The following TNS1 variants were observed in gnomAD, a reference collection of about 807,000 sequenced individuals.
The protein encoded by TNS1 is tensin 1.
A neutral mutation model predicts 168.6 loss-of-function variants in TNS1; 62 were observed. That is an observed-to-expected ratio of 0.37 (90% confidence interval 0.30 to 0.45). TNS1 has a LOEUF of 0.45. TNS1 is among the 20% of genes least tolerant of loss of function. The pLI is 1.00. For missense variants in TNS1, 2,240 were observed against 2,339.4 expected (o/e 0.96, Z 0.88); for synonymous variants, 934 against 933.2 (o/e 1.00, Z -0.02).
intron 3 of TNS1, among the ~76,000 whole-genome samples, chr2:217,936,022 C>T (rs540885308): frequency 3.9e-5 from 6 of 152,314 alleles, no homozygotes; most frequent in South Asian, 2.1e-4. Flanking sequence ...AACACACAGT[C>T]CCTGACCACC....
intron 18 of TNS1, chr2:217,850,298 G>C: frequency 1.0e-6 from 1 of 985,352 alleles, no homozygotes; most frequent in Non-Finnish European, 1.2e-6. Flanking sequence ...GAGGATGGGG[G>C]GCATATAGGG....
At chr2:217,972,712 G>T (rs958155789) in intron 3 of TNS1, among the ~76,000 whole-genome samples, 1 of 152,224 alleles carries the variant, frequency 6.6e-6, no homozygotes. Context: ...CTGAACTCTT[G>T]TCTGACCTGC....
intron 1 of TNS1, 29 bp downstream of exon 1, chr2:218,002,811 A>G (rs1157889179): frequency 4.4e-6 from 2 of 456,522 alleles, no homozygotes; most frequent in African/African-American, 4.0e-5. Flanking sequence ...GAGGAAGAGT[A>G]ACGTCGCAGC....
At chr2:217,810,390 G>A in intron 28 of TNS1, 71 bp from the exon 29 acceptor site, 2 of 1,462,360 alleles carry the variant, frequency 1.4e-6, no homozygotes, top group South Asian at 1.1e-5. Flanking sequence ...TGGGCTGAAG[G>A]TGAGCTCTGC....
chr2:217,800,694 G>A lies in TNS1; in HGVS notation c.*3765C>T, dbSNP rs1039001427. ...ACCTCTTGGAGGACCCCGAGTGTGG[G>A]GGCAGGATTGGGTGTCTGCCTTGAC... On this transcript the variant is annotated 3_prime_UTR_variant, in exon 33 of 33. Coordinates refer to ENST00000682258, the MANE Select transcript of TNS1 (RefSeq NM_001387777.1). 3 of 152,164 alleles carry A rather than the reference G, an allele frequency of 2.0e-5. No homozygotes were observed. Among genetic ancestry groups the A allele is most frequent in the Non-Finnish European group, 1.5e-5 (1 of 68,064 alleles). 9.4% of individuals were successfully genotyped at this position (152,164 alleles called of 1,614,324 possible).
chr2:217,846,472 G>A (rs1277654237), intron 19 of TNS1, among the ~76,000 whole-genome samples: 1 of 152,108 alleles, frequency 6.6e-6, no homozygotes, highest in South Asian at 2.1e-4. Context: ...GAAAAGGGGT[G>A]GAGGACAGAG....
chr2:217,867,372 T>C (rs1443328505), intron 18 of TNS1, among the ~76,000 whole-genome samples: 1 of 152,236 alleles, frequency 6.6e-6, no homozygotes, highest in African/African-American at 2.4e-5. Context: ...AAATGGTATA[T>C]GTGCAACGCC....
intron 3 of TNS1, among the ~76,000 whole-genome samples, chr2:217,939,211 G>A (rs1037131720): frequency 6.6e-6 from 1 of 152,202 alleles, no homozygotes; most frequent in Non-Finnish European, 1.5e-5. Flanking sequence ...CAGAGGTTCA[G>A]TCACTTGCTG....
At chr2:217,891,784 C>A (rs1421150747) in intron 11 of TNS1, among the ~76,000 whole-genome samples, 1 of 152,166 alleles carries the variant, frequency 6.6e-6, no homozygotes, top group Non-Finnish European at 1.5e-5. Context: ...AACACCTCAG[C>A]CCCTCGCATT....
intron 22 of TNS1, among the ~76,000 whole-genome samples, chr2:217,823,096 A>G (rs1943121134): frequency 6.6e-6 from 1 of 152,220 alleles, no homozygotes. Context: ...CAAGACTGCA[A>G]TGGTCAGAGT....
At chr2:218,015,958 A>C (rs913241583) in intron 1 of TNS1, among the ~76,000 whole-genome samples, 2 of 152,128 alleles carry the variant, frequency 1.3e-5, no homozygotes, top group African/African-American at 4.8e-5. Context: ...CCACAATGAG[A>C]TTAAAGCAGG....
At chr2:217,843,084 G>A (rs1372202135) in intron 19 of TNS1, among the ~76,000 whole-genome samples, 1 of 151,136 alleles carries the variant, frequency 6.6e-6, no homozygotes, top group Non-Finnish European at 1.5e-5. Flanking sequence ...ATGTTGAATC[G>A]AATGATTGAA....
intron 18 of TNS1, among the ~76,000 whole-genome samples, chr2:217,860,314 C>G (rs1574851572): frequency 6.6e-6 from 1 of 152,104 alleles, no homozygotes; most frequent in South Asian, 2.1e-4. Context: ...TGCCCTGTAC[C>G]CTGGCCACTG....
intron 3 of TNS1, among the ~76,000 whole-genome samples, chr2:217,941,174 G>A (rs1956891060): frequency 1.3e-5 from 2 of 152,218 alleles, no homozygotes; most frequent in African/African-American, 2.4e-5. Flanking sequence ...CTCCAGGCTG[G>A]CTAGGGAGGC....
chr2:217,966,787 C>T (rs1957653038), intron 3 of TNS1, among the ~76,000 whole-genome samples: 1 of 152,172 alleles, frequency 6.6e-6, no homozygotes, highest in South Asian at 2.1e-4. Flanking sequence ...GGAGTAGAGG[C>T]TGAGTGTGGA....
At chr2:217,924,137 T>C (rs1219321280) in intron 3 of TNS1, among the ~76,000 whole-genome samples, 1 of 152,154 alleles carries the variant, frequency 6.6e-6, no homozygotes, top group African/African-American at 2.4e-5. Flanking sequence ...CCTCAATCCC[T>C]CCAACACCTA....
intron 18 of TNS1, among the ~76,000 whole-genome samples, chr2:217,874,602 T>C (rs908741421): frequency 6.6e-6 from 1 of 152,214 alleles, no homozygotes; most frequent in African/African-American, 2.4e-5. Flanking sequence ...CAGCTATAGA[T>C]GGTTCCCAGA....
At chr2:217,853,182 A>G (rs1559241916) in intron 18 of TNS1, among the ~76,000 whole-genome samples, 3 of 152,204 alleles carry the variant, frequency 2.0e-5, no homozygotes, top group South Asian at 4.1e-4. Context: ...GTTTCAATCC[A>G]TCAAGGCAGG....
In TNS1 at chr2:217,848,758, G is replaced by C. The variant is rs1191243427; in HGVS notation, c.1759C>G (p.His587Asp). The C allele has an allele frequency of 1.2e-6, 2 of 1,614,204 alleles. No individual in the cohort carries two copies. Among genetic ancestry groups the C allele is most frequent in the Non-Finnish European group, 1.7e-6 (2 of 1,180,038 alleles). Residue 587 changes from histidine to aspartate, a missense_variant, in exon 19 of 33, where the codon CAC (histidine) becomes GAC (aspartate). This residue lies in a region of TNS1 where 2,131 missense variants were observed against 2,171.2 expected (regional missense o/e 0.98). Transcript: ENST00000682258. ...EKQGAMYHTQ[H>D]LRSRPAGGSA... Reference sequence around the variant, plus strand: ...CCCCCTGCTGGGCGGGACCTGAGGTGCTGGGTGTGGTACATGGCGCCTTGC... The same window carrying C: ...CCCCCTGCTGGGCGGGACCTGAGGTCCTGGGTGTGGTACATGGCGCCTTGC...
Sources: gnomAD v4.1 joint callset for allele counts (sites outside exome capture counted in the v4.1 genomes callset) on GRCh38, gnomAD v4.1.1 for gene constraint, gnomAD v4.1.1 regional missense constraint, MANE v1.5 for transcripts, NCBI Gene and HGNC (gene_info 2026-07-23, HGNC 2026-07-21) for gene names.